Variants in NCKAP1 observed in about 807,000 individuals in gnomAD.
NCKAP1 encodes nck-associated protein 1.
In NCKAP1, 21 loss-of-function variants were observed where a neutral mutation model predicts 151.2. That is an observed-to-expected ratio of 0.14 (90% CI 0.10 to 0.20). NCKAP1 has a LOEUF of 0.20. NCKAP1 is among the 10% of genes least tolerant of loss of function. The pLI is 1.00. For synonymous variants in NCKAP1, 484 were observed against 451.8 expected (o/e 1.07, Z -0.90); for missense variants, 933 against 1,352.1 (o/e 0.69, Z 4.86).
intron 1 of NCKAP1, among the ~76,000 whole-genome samples, chr2:183,026,114 G>C (rs1445392832): frequency 6.6e-6 from 1 of 152,144 alleles, no homozygotes; most frequent in African/African-American, 2.4e-5. Flanking sequence ...TAAATGAGCA[G>C]CTCTTCCTTC....
intron 2 of NCKAP1, among the ~76,000 whole-genome samples, chr2:183,005,611 T>C (rs185394989): frequency 6.6e-5 from 10 of 152,270 alleles, no homozygotes; most frequent in African/African-American, 2.4e-4. Flanking sequence ...CAAAGCCATA[T>C]ATAACTAGAC....
In NCKAP1 at chr2:182,928,105, G is replaced by T; in HGVS notation, c.3180+12C>A. ...TAAAATGTGATGAGTTTTGTTATTT[G>T]ATTATACATACCGCCAGAAATTCTT... On this transcript the variant is annotated intron_variant, in intron 29 of 30. Transcript: ENST00000361354. 1.3e-6 allele frequency: 2 copies of T among 1,548,552 alleles called. No individual in the cohort carries two copies. The highest frequency in any genetic ancestry group is 2.3e-5 in the South Asian group (2 of 87,032).
rs1696545771 is a variant in NCKAP1 at position 182,921,208 on chromosome 2, A to C, written c.*4494T>G. On this transcript the variant is annotated 3_prime_UTR_variant, in exon 31 of 31. Transcript: ENST00000361354. ...AATTTAGCACCTGATACTGCTGAGA[A>C]ATTAATGACTCTGCACTGCATTAAA... The C allele has an allele frequency of 6.6e-6, 1 of 152,226 alleles. No individual in the cohort carries two copies. Among genetic ancestry groups the C allele is most frequent in the African/African-American group, 2.4e-5 (1 of 41,462 alleles). The allele number at this position is 152,226 out of a possible 1,614,324, so 9.4% of individuals were successfully genotyped here. A position where few individuals can be genotyped will look rare whatever the true frequency, so the allele number is the denominator to read the frequency against.
rs563636134 is a variant in NCKAP1, at chr2:182,922,575, C to T, written c.*3127G>A. 1 of 152,408 alleles carries T rather than the reference C, an allele frequency of 6.6e-6. No individual in the cohort carries two copies. Among genetic ancestry groups the T allele is most frequent in the African/African-American group, 2.4e-5 (1 of 41,568 alleles). The allele number at this position is 152,408 out of a possible 1,614,324, so 9.4% of individuals were successfully genotyped here. A position where few individuals can be genotyped will look rare whatever the true frequency, so the allele number is the denominator to read the frequency against. On this transcript the variant is annotated 3_prime_UTR_variant, in exon 31 of 31. Coordinates refer to ENST00000361354, the MANE Select transcript of NCKAP1 (RefSeq NM_013436.5). ...TGCCTTTATTATTCCTCCCCTCAGC[C>T]CACTTGTGGTTCCTTCTAATCCTTC... is the stretch of plus-strand genomic sequence containing the variant.
intron 6 of NCKAP1, among the ~76,000 whole-genome samples, chr2:183,001,103 A>G (rs768093695): frequency 7.9e-5 from 12 of 152,246 alleles, no homozygotes; most frequent in Non-Finnish European, 1.8e-4. Context: ...AAAGAAAGAA[A>G]AAAGCACAGA....
chr2:183,016,510 C>A (rs1052316597), intron 2 of NCKAP1, among the ~76,000 whole-genome samples: 5 of 152,154 alleles, frequency 3.3e-5, no homozygotes, highest in African/African-American at 1.2e-4. Flanking sequence ...TAAATCCTGG[C>A]AATGTTTAAT....
At chr2:182,933,874 C>T (rs532365086) in intron 26 of NCKAP1, among the ~76,000 whole-genome samples, 1 of 152,224 alleles carries the variant, frequency 6.6e-6, no homozygotes, top group East Asian at 1.9e-4. Flanking sequence ...ATATCACTTA[C>T]TAGATGTATA....
intron 27 of NCKAP1, among the ~76,000 whole-genome samples, 188 bp downstream of exon 27, chr2:182,930,507 T>TC (rs1425602877): frequency 2.0e-5 from 3 of 152,058 alleles, no homozygotes; most frequent in Admixed American, 2.0e-4. Context: ...CAACCAATCT[T>TC]AAGTTCCAGA....
At chr2:182,930,914 T>C in intron 26 of NCKAP1, 126 bp from the exon 27 acceptor site, 1 of 712,582 alleles carries the variant, frequency 1.4e-6, no homozygotes, top group Non-Finnish European at 2.4e-6. Context: ...AAGCAGAAAC[T>C]ACAGCAAAAC....
chr2:182,957,731 G>A (rs1697355367), intron 18 of NCKAP1, 135 bp from the exon 19 acceptor site: 6 of 951,056 alleles, frequency 6.3e-6, no homozygotes, highest in Non-Finnish European at 3.0e-6. Context: ...AAATATAAGT[G>A]AGATACAGAG....
chr2:182,929,728 G>GTA (rs1242940170), intron 27 of NCKAP1, among the ~76,000 whole-genome samples: 5 of 149,618 alleles, frequency 3.3e-5, no homozygotes, highest in African/African-American at 1.2e-4. Flanking sequence ...GTAACATACT[G>GTA]TATGAATGAG....
chr2:182,977,426 G>A (rs1461049040), intron 14 of NCKAP1, among the ~76,000 whole-genome samples: 5 of 152,244 alleles, frequency 3.3e-5, no homozygotes, highest in Admixed American at 1.3e-4. Flanking sequence ...GGAGGCAGAG[G>A]TTACAGTAAG....
At chr2:183,020,494 A>C (rs946931546) in intron 2 of NCKAP1, among the ~76,000 whole-genome samples, 1 of 151,712 alleles carries the variant, frequency 6.6e-6, no homozygotes, top group Admixed American at 6.6e-5. Flanking sequence ...AAAAAAGAAA[A>C]AAAAATTTAT....
intron 1 of NCKAP1, among the ~76,000 whole-genome samples, chr2:183,035,648 C>G (rs1575077550): frequency 6.6e-6 from 1 of 152,038 alleles, no homozygotes; most frequent in East Asian, 1.9e-4. Context: ...ACTTCTTTGG[C>G]AAGATATTTG....
chr2:183,001,893 A>G, intron 6 of NCKAP1, 60 bp downstream of exon 6: 4 of 1,410,444 alleles, frequency 2.8e-6, no homozygotes, highest in Non-Finnish European at 4.0e-6. Flanking sequence ...TTATCCAACC[A>G]TCCATCCTCA....
chr2:182,962,269 T>A lies in NCKAP1; in HGVS notation c.1771A>T (p.Ile591Phe), dbSNP rs760379922. Residue 591 changes from isoleucine (I) to phenylalanine (F), a missense_variant, in exon 18 of 31, where the codon ATT becomes TTT. Coordinates refer to ENST00000361354, the MANE Select transcript of NCKAP1 (RefSeq NM_013436.5). ...HELCPEERHH[I>F]GDRSLSLCNM... ...CATAAGGAAAGACTGCGATCTCCAA[T>A]ATGATGTCGCTGTGAAGGCAGAATA... 1.2e-6 allele frequency: 2 copies of A among 1,606,146 alleles called. No homozygotes were observed. The highest frequency in any genetic ancestry group is 1.7e-6 in the Non-Finnish European group (2 of 1,174,894).
chr2:182,935,801 G>A (rs943118761), intron 24 of NCKAP1, among the ~76,000 whole-genome samples: 1 of 152,090 alleles, frequency 6.6e-6, no homozygotes, highest in Non-Finnish European at 1.5e-5. Context: ...AAGCGGCCCA[G>A]GAACTCAGCA....
intron 2 of NCKAP1, among the ~76,000 whole-genome samples, chr2:183,009,432 A>AAGGAAGGT (rs1698545112): frequency 9.9e-6 from 1 of 100,818 alleles, no homozygotes; most frequent in African/African-American, 4.1e-5. Context: ...GGAAGGAAGG[A>AAGGAAGGT]AGGAAGGAAG....
chr2:183,033,874 C>T (rs1699052416), intron 1 of NCKAP1, among the ~76,000 whole-genome samples: 1 of 152,128 alleles, frequency 6.6e-6, no homozygotes, highest in Non-Finnish European at 1.5e-5. Flanking sequence ...TGAAGTCACT[C>T]ATTTATGTTA....
Sources: gnomAD v4.1 joint callset for allele counts (sites outside exome capture counted in the v4.1 genomes callset) on GRCh38, gnomAD v4.1.1 for gene constraint, MANE v1.5 for transcripts, NCBI Gene and HGNC (gene_info 2026-07-23, HGNC 2026-07-21) for gene names.